Variants in USP45 observed in about 807,000 individuals in gnomAD.
The protein encoded by USP45 is ubiquitin carboxyl-terminal hydrolase 45.
USP45 carries 89 observed loss-of-function variants against 95.8 expected under a neutral mutation model. The observed-to-expected ratio is 0.93, with a 90% CI of 0.78 to 1.11. The LOEUF (loss-of-function observed/expected upper bound fraction) is 1.11. Among genes scored for constraint, USP45 ranks in the 50% least tolerant of loss-of-function variants. The pLI is 0.00. For missense variants in USP45, 898 were observed against 942.5 expected (o/e 0.95, Z 0.62); for synonymous variants, 281 against 316.2 (o/e 0.89, Z 1.18).
intron 9 of USP45, among the ~76,000 whole-genome samples, chr6:99,472,562 T>C (rs1789702006): frequency 6.6e-6 from 1 of 152,014 alleles, no homozygotes; most frequent in Admixed American, 6.6e-5. Flanking sequence ...GACCACCACA[T>C]AGTAAACGTA....
At position 99,435,847 on chromosome 6, in the gene USP45, C is replaced by G. The variant is rs1289406447; in HGVS notation, c.2315-1G>C. 1 of 1,604,136 alleles carries G rather than the reference C, an allele frequency of 6.2e-7. No homozygotes were observed. Among genetic ancestry groups the G allele is most frequent in the Admixed American group, 1.7e-5 (1 of 57,382 alleles). On this transcript the variant is annotated splice_acceptor_variant, in intron 17 of 17. Transcript: ENST00000500704. LOFTEE classifies it high-confidence loss of function. ...GATTCATTATCAGCCGCTTTCAAAC[C>G]TAGCAAAACAAAAAGAAGTACAATT... is the stretch of plus-strand genomic sequence containing the variant.
chr6:99,501,435 C>G (rs1315963675), intron 5 of USP45, among the ~76,000 whole-genome samples: 1 of 152,192 alleles, frequency 6.6e-6, no homozygotes, highest in Admixed American at 6.5e-5. Context: ...GTAACTTCAT[C>G]TCTTTGCACT....
At position 99,503,774 on chromosome 6, in the gene USP45, T is replaced by C. The variant is rs775460657; in HGVS notation, c.469A>G (p.Thr157Ala). Residue 157 changes from threonine (T) to alanine (A), a missense_variant, in exon 5 of 18, where the codon ACA becomes GCA. By Grantham distance (58) the Thr-to-Ala change is moderately conservative (BLOSUM62 0). Transcript: ENST00000500704. Reference sequence around the variant, plus strand: ...TCATCGCTTAACTTACTTGTTTGTGTTTTAGAAGCATGTTTCTGGAGAAAA... The same window carrying C: ...TCATCGCTTAACTTACTTGTTTGTGCTTTAGAAGCATGTTTCTGGAGAAAA... ...VDFLQKHASK[T>A]QTSAFSRIMK... 7.5e-6 allele frequency: 12 copies of C among 1,594,314 alleles called. 1 individual carries two copies. In the South Asian group the frequency reaches 9.2e-5, roughly 12 times the overall value.
At chr6:99,452,659 C>T (rs910428201) in intron 13 of USP45, among the ~76,000 whole-genome samples, 1 of 152,204 alleles carries the variant, frequency 6.6e-6, no homozygotes, top group African/African-American at 2.4e-5. Context: ...CCATTTAACC[C>T]AGCCATCCCA....
intron 8 of USP45, among the ~76,000 whole-genome samples, chr6:99,478,217 TTTG>T (rs1235830831): frequency 8.7e-4 from 95 of 109,568 alleles, no homozygotes; most frequent in African/African-American, 2.8e-3. Flanking sequence ...TAAACTTAGA[TTTG>T]TTTTTTTTTT....
intron 9 of USP45, among the ~76,000 whole-genome samples, chr6:99,472,633 A>C (rs1440201355): frequency 1.3e-5 from 2 of 152,176 alleles, no homozygotes; most frequent in Non-Finnish European, 2.9e-5. Flanking sequence ...ATTAATCTTA[A>C]AGTAACTCAT....
At chr6:99,499,212 C>T (rs1037653025) in intron 5 of USP45, among the ~76,000 whole-genome samples, 1 of 152,186 alleles carries the variant, frequency 6.6e-6, no homozygotes, top group African/African-American at 2.4e-5. Flanking sequence ...AGGCTTTCTT[C>T]TCAATAACTA....
At chr6:99,445,394 A>G (rs1451687568) in intron 14 of USP45, among the ~76,000 whole-genome samples, 4 of 151,912 alleles carry the variant, frequency 2.6e-5, no homozygotes, top group Non-Finnish European at 4.4e-5. Context: ...GAGGCAGAAT[A>G]ATCGCTTGAA....
chr6:99,491,811 T>C (rs1562415062), intron 5 of USP45, among the ~76,000 whole-genome samples: 2 of 152,090 alleles, frequency 1.3e-5, no homozygotes, highest in African/African-American at 4.8e-5. Flanking sequence ...TCTTAATAAA[T>C]GTTGCCACAA....
chr6:99,501,803 G>C (rs1272887153), intron 5 of USP45: 9 of 692,690 alleles, frequency 1.3e-5, no homozygotes, highest in South Asian at 2.3e-5. Context: ...ATACATTACT[G>C]TTATATAATA....
At chr6:99,494,763 G>A (rs1170172623) in intron 5 of USP45, among the ~76,000 whole-genome samples, 2 of 151,986 alleles carry the variant, frequency 1.3e-5, no homozygotes, top group African/African-American at 4.8e-5. Context: ...GCATGGTGGC[G>A]CTTGCCTGTA....
At chr6:99,436,881 C>G (rs1780579690) in intron 17 of USP45, among the ~76,000 whole-genome samples, 1 of 152,136 alleles carries the variant, frequency 6.6e-6, no homozygotes, top group Non-Finnish European at 1.5e-5. Context: ...GGGCAAATCA[C>G]TTGAGGTCAG....
chr6:99,469,336 T>G (rs1318052473), intron 9 of USP45, among the ~76,000 whole-genome samples: 1 of 151,564 alleles, frequency 6.6e-6, no homozygotes, highest in Non-Finnish European at 1.5e-5. Context: ...TAAAACTTAG[T>G]AAGTGACCTT....
chr6:99,484,221 G>C (rs1793254508), intron 7 of USP45, among the ~76,000 whole-genome samples: 1 of 151,344 alleles, frequency 6.6e-6, no homozygotes, highest in Non-Finnish European at 1.5e-5. Flanking sequence ...CCAGGCTGGA[G>C]TGCAGTGGTG....
intron 5 of USP45, among the ~76,000 whole-genome samples, chr6:99,497,481 C>G (rs551634012): frequency 2.0e-5 from 3 of 152,324 alleles, no homozygotes; most frequent in African/African-American, 7.2e-5. Context: ...TGGTGCCCCA[C>G]AATTCCCCTA....
chr6:99,466,857 A>G (rs1562355374), intron 10 of USP45, 94 bp from the exon 11 acceptor site: 3 of 843,700 alleles, frequency 3.6e-6, no homozygotes, highest in East Asian at 2.6e-5. Flanking sequence ...AGTAATCTGA[A>G]TAAGATATTC....
intron 5 of USP45, chr6:99,501,739 C>G: frequency 3.5e-6 from 1 of 289,554 alleles, no homozygotes; most frequent in Non-Finnish European, 6.1e-6. Context: ...TCTTAACATA[C>G]GTTATGTATT....
intron 4 of USP45, among the ~76,000 whole-genome samples, chr6:99,505,261 G>A (rs1431450877): frequency 2.6e-5 from 4 of 151,994 alleles, no homozygotes; most frequent in African/African-American, 4.8e-5. Context: ...TTAATACATC[G>A]TATTAATTTG....
At chr6:99,498,928 C>G (rs577768682) in intron 5 of USP45, among the ~76,000 whole-genome samples, 3 of 152,222 alleles carry the variant, frequency 2.0e-5, no homozygotes, top group African/African-American at 4.8e-5. Context: ...TTTGTGTTAA[C>G]ATGGCATAGT....
Sources: allele counts gnomAD v4.1 joint callset (sites outside exome capture counted in the v4.1 genomes callset), GRCh38; gene constraint gnomAD v4.1.1; transcripts MANE v1.5; gene names NCBI Gene and HGNC (gene_info 2026-07-23, HGNC 2026-07-21).